XXYLT1: variants seen among roughly 807,000 people sequenced by gnomAD.
The protein encoded by XXYLT1 is xyloside xylosyltransferase 1.
In XXYLT1, 20 loss-of-function variants were observed where a neutral mutation model predicts 28.9. The ratio of observed to expected loss-of-function variants is 0.69; its 90% CI spans 0.49 to 1.00. The LOEUF (loss-of-function observed/expected upper bound fraction) is 1.00, where lower values mean the gene tolerates loss of function less well. XXYLT1 is among the 50% of genes least tolerant of loss of function. XXYLT1 has a pLI of 0.00. For missense variants in XXYLT1, 542 were observed against 560.1 expected (o/e 0.97, Z 0.33); for synonymous variants, 257 against 253.8 (o/e 1.01, Z -0.12).
chr3:195,219,100 G>T (rs1723705586), intron 2 of XXYLT1, among the ~76,000 whole-genome samples: 1 of 151,410 alleles, frequency 6.6e-6, no homozygotes, highest in Admixed American at 6.6e-5. Context: ...TCACTCATAG[G>T]TGGGAACTGA....
intron 3 of XXYLT1, among the ~76,000 whole-genome samples, chr3:195,142,990 T>C (rs1226041021): frequency 6.6e-6 from 1 of 152,122 alleles, no homozygotes; most frequent in South Asian, 2.1e-4. Flanking sequence ...TCTCAGACAA[T>C]TAAAGTAATT....
intron 3 of XXYLT1, among the ~76,000 whole-genome samples, chr3:195,123,241 G>C (rs1384365626): frequency 6.6e-6 from 1 of 151,676 alleles, no homozygotes; most frequent in East Asian, 1.9e-4. Context: ...AAGTGGAGGG[G>C]CCCACCACCT....
chr3:195,167,702 C>A (rs1338158258), intron 2 of XXYLT1, among the ~76,000 whole-genome samples: 1 of 152,204 alleles, frequency 6.6e-6, no homozygotes, highest in East Asian at 1.9e-4. Context: ...CTCACCCATG[C>A]CCAGCCAAGA....
chr3:195,088,347 C>T (rs1715904658), intron 3 of XXYLT1, among the ~76,000 whole-genome samples: 2 of 148,560 alleles, frequency 1.3e-5, no homozygotes, highest in South Asian at 2.2e-4. Flanking sequence ...TGAGAACGGG[C>T]AGACTGCCTC....
intron 3 of XXYLT1, among the ~76,000 whole-genome samples, chr3:195,143,801 G>GATATAT (rs1240224336): frequency 4.5e-5 from 5 of 110,496 alleles, no homozygotes; most frequent in Non-Finnish European, 8.6e-5. Context: ...TATATATATA[G>GATATAT]ATAGATATAT....
chr3:195,266,325 C>T (rs1030701492), intron 1 of XXYLT1, among the ~76,000 whole-genome samples: 5 of 151,992 alleles, frequency 3.3e-5, no homozygotes, highest in African/African-American at 7.3e-5. Context: ...GAAACCCCAT[C>T]GCTACTAAAA....
chr3:195,232,612 ATTTC>A (rs1335433636), intron 1 of XXYLT1, among the ~76,000 whole-genome samples: 1 of 152,076 alleles, frequency 6.6e-6, no homozygotes, highest in Admixed American at 6.5e-5. Context: ...AAATTTTTCA[ATTTC>A]TTTCTTAACC....
chr3:195,154,864 C>T (rs944883140), intron 3 of XXYLT1, among the ~76,000 whole-genome samples: 1 of 152,200 alleles, frequency 6.6e-6, no homozygotes, highest in Non-Finnish European at 1.5e-5. Flanking sequence ...TCTGAAGAGG[C>T]AGGAAGTGAG....
intron 3 of XXYLT1, among the ~76,000 whole-genome samples, chr3:195,127,236 G>A (rs1171619949): frequency 6.6e-6 from 1 of 152,098 alleles, no homozygotes; most frequent in Non-Finnish European, 1.5e-5. Context: ...CAGCAAAACT[G>A]GAATCTAAGT....
At chr3:195,083,120 C>T (rs566425624) in intron 3 of XXYLT1, among the ~76,000 whole-genome samples, 8 of 152,316 alleles carry the variant, frequency 5.3e-5, no homozygotes, top group South Asian at 2.1e-4. Context: ...GCGTCTCTTC[C>T]TGAGTCACTA....
intron 3 of XXYLT1, among the ~76,000 whole-genome samples, chr3:195,075,533 C>A (rs1406535318): frequency 1.3e-5 from 2 of 152,262 alleles, no homozygotes. Flanking sequence ...CCAAAACAAG[C>A]CCTGTGGTGA....
At chr3:195,080,786 C>T (rs1051551385) in intron 3 of XXYLT1, among the ~76,000 whole-genome samples, 5 of 152,202 alleles carry the variant, frequency 3.3e-5, no homozygotes, top group Non-Finnish European at 7.3e-5. Flanking sequence ...CATCAATCCG[C>T]ACCAGCGCCC....
chr3:195,072,701 C>G (rs1372242420), intron 3 of XXYLT1, among the ~76,000 whole-genome samples: 1 of 152,164 alleles, frequency 6.6e-6, no homozygotes, highest in Non-Finnish European at 1.5e-5. Context: ...GCAGCAGAAA[C>G]ACAGCCTGAA....
At chr3:195,231,901 T>C (rs878994426) in intron 1 of XXYLT1, among the ~76,000 whole-genome samples, 2 of 152,162 alleles carry the variant, frequency 1.3e-5, no homozygotes, top group Non-Finnish European at 2.9e-5. Context: ...AATTCTGGCC[T>C]CATAAAATGA....
At chr3:195,201,908 G>A (rs750010832) in intron 2 of XXYLT1, among the ~76,000 whole-genome samples, 4 of 152,192 alleles carry the variant, frequency 2.6e-5, no homozygotes, top group Admixed American at 6.5e-5. Context: ...GCCGGGCGCG[G>A]TGGCTCACAC....
At chr3:195,072,768 G>A (rs925038174) in intron 3 of XXYLT1, among the ~76,000 whole-genome samples, 2 of 152,150 alleles carry the variant, frequency 1.3e-5, no homozygotes, top group African/African-American at 2.4e-5. Context: ...TGTTCAAGGC[G>A]TCCCTACTAT....
chr3:195,263,453 A>G (rs1725752236), intron 1 of XXYLT1, among the ~76,000 whole-genome samples: 1 of 152,092 alleles, frequency 6.6e-6, no homozygotes, highest in Admixed American at 6.5e-5. Flanking sequence ...CCTGGGTTAT[A>G]TCTCTTGGGA....
intron 2 of XXYLT1, among the ~76,000 whole-genome samples, chr3:195,194,160 T>C (rs1362186393): frequency 1.3e-5 from 2 of 151,674 alleles, no homozygotes; most frequent in African/African-American, 4.8e-5. Context: ...GTATATCTTA[T>C]AAAGAACTTG....
At chr3:195,088,682 CTT>C (rs1216894493) in intron 3 of XXYLT1, among the ~76,000 whole-genome samples, 5 of 140,964 alleles carry the variant, frequency 3.5e-5, no homozygotes, top group Non-Finnish European at 7.7e-5. Context: ...TGGAGAATGA[CTT>C]TGACGAGCTG....
Sources: allele counts gnomAD v4.1 joint callset (sites outside exome capture counted in the v4.1 genomes callset), GRCh38; gene constraint gnomAD v4.1.1; transcripts MANE v1.5; gene names NCBI Gene and HGNC (gene_info 2026-07-23, HGNC 2026-07-21).